The following TIMM23 variants were observed in gnomAD, a reference collection of about 807,000 sequenced individuals.
TIMM23 encodes the protein translocase of inner mitochondrial membrane 23.
In TIMM23, 19 loss-of-function variants were observed where a neutral mutation model predicts 30.7. The ratio of observed to expected loss-of-function variants is 0.62; its 90% CI spans 0.43 to 0.91. TIMM23 has a LOEUF of 0.91. TIMM23 is among the 40% of genes least tolerant of loss of function. The pLI is 0.00. For synonymous variants in TIMM23, 78 were observed against 98.5 expected, an observed-to-expected ratio of 0.79 and a Z score of 1.23; for missense variants, 202 against 269.2, an observed-to-expected ratio of 0.75 and a Z score of 1.75.
At chr10:45,998,310 C>A in intron 6 of TIMM23, 1 of 896,852 alleles carries the variant, frequency 1.1e-6, no homozygotes, top group Non-Finnish European at 1.3e-6. Context: ...CTTAAATATT[C>A]TGGGCCTCAT....
intron 4 of TIMM23, among the ~76,000 whole-genome samples, chr10:45,984,096 C>T (rs2132257172): frequency 7.2e-6 from 1 of 138,862 alleles, no homozygotes; most frequent in East Asian, 2.1e-4. Flanking sequence ...CCATGCTTTA[C>T]CAGCCTAGAT....
chr10:46,003,207 T>A lies in TIMM23; in HGVS notation c.519T>A (p.Gly173=). ...CCTTTTGTCTCTGTTTCCCAGGTGG[T>A]CTTCGAGGGATAGCACGAGGTGGTC... ...MTGMLYKCTG[G]LRGIARGGLT... is the part of the protein sequence containing the mutation. The change falls in exon 7 of 7, where the codon GGT becomes GGA. Residue 173 remains glycine (G), a synonymous_variant. Coordinates refer to ENST00000580018, the MANE Select transcript of TIMM23 (RefSeq NM_006327.4). 1 of 1,613,514 alleles carries A rather than the reference T, an allele frequency of 6.2e-7. No homozygotes were observed. The highest frequency in any genetic ancestry group is 8.5e-7 in the Non-Finnish European group (1 of 1,179,466).
At chr10:46,003,045 A>G (rs1473219276) in intron 6 of TIMM23, among the ~76,000 whole-genome samples, 158 bp from the exon 7 acceptor site, 4 of 152,058 alleles carry the variant, frequency 2.6e-5, no homozygotes, top group Non-Finnish European at 1.5e-5. Context: ...TTGAACTCCT[A>G]TCCTCAAGCG....
At chr10:45,982,284 C>T (rs1375918675) in intron 2 of TIMM23, among the ~76,000 whole-genome samples, 194 of 152,300 alleles carry the variant, frequency 1.3e-3, no homozygotes, top group African/African-American at 4.3e-3. Context: ...ATCAGATTTA[C>T]GTTTTGAAGG....
At chr10:45,977,696 T>C (rs1837715177) in intron 2 of TIMM23, among the ~76,000 whole-genome samples, 1 of 152,232 alleles carries the variant, frequency 6.6e-6, no homozygotes, top group South Asian at 2.1e-4. Flanking sequence ...TGATAAATTG[T>C]ATTTAATCAG....
intron 1 of TIMM23, among the ~76,000 whole-genome samples, 178 bp downstream of exon 1, chr10:45,972,908 A>C (rs1166227983): frequency 3.3e-5 from 5 of 152,178 alleles, no homozygotes; most frequent in African/African-American, 1.2e-4. Context: ...AAAGGCCTAA[A>C]AAAGGGCCAC....
At chr10:46,002,418 C>T (rs1267295772) in intron 6 of TIMM23, 4 of 676,746 alleles carry the variant, frequency 5.9e-6, no homozygotes, top group Non-Finnish European at 7.3e-6. Context: ...TCAAGCCTGC[C>T]TCAGCCTCCC....
intron 6 of TIMM23, among the ~76,000 whole-genome samples, chr10:45,998,850 T>TTTTA (rs1838426465): frequency 8.4e-6 from 1 of 119,486 alleles, no homozygotes; most frequent in South Asian, 2.4e-4. Flanking sequence ...TTTTTTTTTT[T>TTTTA]GAGACAGAGT....
intron 2 of TIMM23, among the ~76,000 whole-genome samples, chr10:45,978,968 A>G (rs1837759740): frequency 6.6e-6 from 1 of 152,282 alleles, no homozygotes; most frequent in African/African-American, 2.4e-5. Flanking sequence ...AAAAAGAATT[A>G]TTAAATTGTG....
chr10:46,002,776 A>G (rs1406062510), intron 6 of TIMM23, among the ~76,000 whole-genome samples: 1 of 138,230 alleles, frequency 7.2e-6, no homozygotes, highest in African/African-American at 2.7e-5. Context: ...TGGAATATTG[A>G]TTTATTTTTA....
At chr10:45,992,452 T>C (rs1173469414) in intron 6 of TIMM23, 2 of 455,786 alleles carry the variant, frequency 4.4e-6, no homozygotes, top group Non-Finnish European at 8.8e-6. Flanking sequence ...GCGTAGACTC[T>C]CCTTAGGAGA....
At chr10:45,987,608 T>C (rs1223590523) in intron 5 of TIMM23, among the ~76,000 whole-genome samples, 1 of 142,128 alleles carries the variant, frequency 7.0e-6, no homozygotes, top group Non-Finnish European at 1.5e-5. Context: ...GCGTATTTAT[T>C]ATAAAGATTT....
At chr10:45,999,383 T>C (rs934281428) in intron 6 of TIMM23, among the ~76,000 whole-genome samples, 3 of 152,104 alleles carry the variant, frequency 2.0e-5, no homozygotes, top group Admixed American at 6.5e-5. Context: ...TCTATTTTCC[T>C]TAAGCGTCAG....
chr10:45,992,451 C>G, intron 6 of TIMM23: 1 of 455,910 alleles, frequency 2.2e-6, no homozygotes, highest in South Asian at 1.6e-5. Flanking sequence ...TGCGTAGACT[C>G]TCCTTAGGAG....
chr10:45,972,807 T>C, intron 1 of TIMM23, 77 bp downstream of exon 1: 2 of 1,557,368 alleles, frequency 1.3e-6, no homozygotes, highest in Non-Finnish European at 1.7e-6. Flanking sequence ...CCATGTTTTA[T>C]GTTGTTGTTT....
At position 45,972,687 on chromosome 10, in the gene TIMM23, C is replaced by T. The variant is rs781848805; in HGVS notation, c.63C>T (p.Ala21=). ...GGGGATTGGCCGGCTTTTTCGGAGC[C>T]GGCGGAGCAGGTTACTCGCACGCGG... ...TTGGLAGFFG[A]GGAGYSHADL... Residue 21 remains alanine (A), a synonymous_variant, in exon 1 of 7, where the codon GCC becomes GCT. Transcript: ENST00000580018. 4.3e-6 allele frequency: 7 copies of T among 1,613,962 alleles called. No individual in the cohort carries two copies. Among genetic ancestry groups the T allele is most frequent in the Non-Finnish European group, 5.9e-6 (7 of 1,179,856 alleles).
At chr10:45,993,033 A>T (rs1438287203) in intron 6 of TIMM23, among the ~76,000 whole-genome samples, 1 of 152,120 alleles carries the variant, frequency 6.6e-6, no homozygotes, top group Non-Finnish European at 1.5e-5. Context: ...ATGCTGCATC[A>T]TCTGTCCATC....
At chr10:45,979,099 GTAGAT>G (rs1554913589) in intron 2 of TIMM23, among the ~76,000 whole-genome samples, 2 of 152,188 alleles carry the variant, frequency 1.3e-5, no homozygotes, top group Non-Finnish European at 2.9e-5. Context: ...GGACAAGAAA[GTAGAT>G]TAGTAGCTGC....
At chr10:46,001,344 T>A (rs1357458263) in intron 6 of TIMM23, among the ~76,000 whole-genome samples, 1 of 152,128 alleles carries the variant, frequency 6.6e-6, no homozygotes, top group East Asian at 1.9e-4. Flanking sequence ...CTTAAAAATG[T>A]TTTTGGTCCC....
Sources: allele counts gnomAD v4.1 joint callset (sites outside exome capture counted in the v4.1 genomes callset), GRCh38; gene constraint gnomAD v4.1.1; transcripts MANE v1.5; gene names NCBI Gene and HGNC (gene_info 2026-07-23, HGNC 2026-07-21).